Variants in HAT1 observed in about 807,000 individuals in gnomAD.
HAT1 encodes histone acetyltransferase 1, also known as histone acetyltransferase type B catalytic subunit.
Under a neutral mutation model 56.6 loss-of-function variants are expected in HAT1, and 20 were observed. The ratio of observed to expected loss-of-function variants is 0.35; its 90% CI spans 0.25 to 0.51. The LOEUF (loss-of-function observed/expected upper bound fraction) is 0.51, where lower values mean the gene tolerates loss of function less well. Ranked by LOEUF, HAT1 falls within the 20% of genes least tolerant of loss-of-function variation. HAT1 has a pLI of 0.95. For synonymous variants in HAT1, 146 were observed against 165.5 expected, an observed-to-expected ratio of 0.88 and a Z score of 0.91; for missense variants, 408 against 504.3, an observed-to-expected ratio of 0.81 and a Z score of 1.83.
intron 2 of HAT1, among the ~76,000 whole-genome samples, chr2:171,939,647 G>A (rs752436013): frequency 2.0e-5 from 3 of 152,176 alleles, no homozygotes; most frequent in Non-Finnish European, 2.9e-5. Flanking sequence ...GTGAACAGGT[G>A]TGAGGTAAGG....
At chr2:171,932,174 C>G (rs1452350051) in intron 2 of HAT1, among the ~76,000 whole-genome samples, 1 of 152,122 alleles carries the variant, frequency 6.6e-6, no homozygotes, top group Non-Finnish European at 1.5e-5. Flanking sequence ...CCTTTTTCTG[C>G]TTTGCTAGAT....
chr2:171,943,094 T>C (rs1358010163), intron 2 of HAT1, among the ~76,000 whole-genome samples: 1 of 151,522 alleles, frequency 6.6e-6, no homozygotes, highest in East Asian at 1.9e-4. Flanking sequence ...TTTTTAACTA[T>C]TACAGGCATA....
At chr2:171,943,073 G>T (rs189009300) in intron 2 of HAT1, among the ~76,000 whole-genome samples, 6 of 1,620 alleles carry the variant, frequency 3.7e-3, no homozygotes, top group Non-Finnish European at 0.014. Context: ...ACATATTTGA[G>T]TTTTTTTTTT....
chr2:171,929,210 CT>C (rs1686676228), intron 2 of HAT1, among the ~76,000 whole-genome samples: 1 of 151,990 alleles, frequency 6.6e-6, no homozygotes, highest in Non-Finnish European at 1.5e-5. Context: ...TGTCTTTTCC[CT>C]CATAACTAAT....
Position 171,978,952 on chromosome 2 carries a change from T to C in HAT1, c.976-295T>C, listed in dbSNP as rs1281171570. Among the ~76,000 whole-genome samples the C allele has an allele frequency of 2.1e-5, 3 of 145,392 alleles. No homozygotes were observed. The South Asian group carries it at 6.4e-4, about 31-fold the overall frequency. ...AAAAAAAAAAAAAAAAATAGCCGAG[T>C]GTGGTGCATATGCCTATGGTCCCAG... On this transcript the variant is annotated intron_variant, in intron 9 of 10. Coordinates refer to ENST00000264108, the MANE Select transcript of HAT1 (RefSeq NM_003642.4).
chr2:171,972,214 GTTTTT>G (rs11319894), intron 8 of HAT1, among the ~76,000 whole-genome samples: 3 of 141,530 alleles, frequency 2.1e-5, no homozygotes, highest in Non-Finnish European at 3.1e-5. Flanking sequence ...TTTTTCTTTT[GTTTTT>G]TTTTTTTGTT....
rs587686867 is a variant in HAT1, at chr2:171,953,626, T to TAAAAAAAAAAAAAAA, written c.309+640_309+654dup. On this transcript the variant is annotated intron_variant, in intron 4 of 10. Coordinates refer to ENST00000264108, the MANE Select transcript of HAT1 (RefSeq NM_003642.4). ...GGCAACAGAACAAGACCCTGTCTCT[T>TAAAAAAAAAAAAAAA]AAAAAAAAAAAAAAAAAAAAAAAAA... Among the ~76,000 whole-genome samples, 130 of 84,592 alleles carry TAAAAAAAAAAAAAAA rather than the reference T, an allele frequency of 1.5e-3. 12 individuals carry two copies. The highest frequency in any genetic ancestry group is 5.6e-3 in the African/African-American group (105 of 18,750). 55.5% of individuals were successfully genotyped at this position (84,592 alleles called of 152,430 possible). A position where few individuals can be genotyped will look rare whatever the true frequency, so the allele number is the denominator to read the frequency against.
chr2:171,926,040 A>G (rs1686581171), intron 2 of HAT1, among the ~76,000 whole-genome samples: 1 of 151,866 alleles, frequency 6.6e-6, no homozygotes, highest in Non-Finnish European at 1.5e-5. Context: ...CAGTTTGGCA[A>G]TTTTCTTTTC....
At position 171,942,445 on chromosome 2, in the gene HAT1, C is replaced by T. The variant is rs190070452; in HGVS notation, c.113-4263C>T. Among the ~76,000 whole-genome samples the T allele has an allele frequency of 3.7e-3, 568 of 152,112 alleles. 7 individuals are homozygous for T. Among genetic ancestry groups the T allele is most frequent in the African/African-American group, 0.012 (498 of 41,490 alleles). On this transcript the variant is annotated intron_variant, in intron 2 of 10. Transcript: ENST00000264108. ...TTCTATTGTTTCCCTTTTATAAAATCGAGGTTACCGTATCATGTTCTGTTC... is the reference window on the plus strand; with the variant it reads ...TTCTATTGTTTCCCTTTTATAAAATTGAGGTTACCGTATCATGTTCTGTTC...
intron 2 of HAT1, among the ~76,000 whole-genome samples, chr2:171,934,526 C>T (rs557066165): frequency 7.2e-5 from 11 of 152,218 alleles, no homozygotes; most frequent in African/African-American, 2.6e-4. Context: ...AGATAGTAAG[C>T]AAGGTCATCT....
At chr2:171,966,593 G>A (rs1248211526) in intron 7 of HAT1, 80 bp downstream of exon 7, 1 of 753,978 alleles carries the variant, frequency 1.3e-6, no homozygotes, top group East Asian at 2.5e-5. Context: ...TGTTATAATA[G>A]TGTTGATTTG....
intron 2 of HAT1, among the ~76,000 whole-genome samples, chr2:171,939,766 G>A (rs1180602347): frequency 6.6e-6 from 1 of 151,720 alleles, no homozygotes; most frequent in African/African-American, 2.4e-5. Flanking sequence ...ATAGTGCGTA[G>A]ACTCACATTT....
chr2:171,948,230 G>A (rs1687219575), intron 3 of HAT1, among the ~76,000 whole-genome samples: 3 of 152,022 alleles, frequency 2.0e-5, no homozygotes, highest in South Asian at 4.1e-4. Context: ...AAAAATTCAG[G>A]AAATTTAACA....
chr2:171,931,438 C>G (rs145801614), intron 2 of HAT1, among the ~76,000 whole-genome samples: 2,804 of 152,072 alleles, frequency 0.018, 53 homozygotes, highest in Non-Finnish European at 0.024. Context: ...GCCTGTAATA[C>G]CAGCACTTTG....
At chr2:171,948,256 G>A (rs543083000) in intron 3 of HAT1, among the ~76,000 whole-genome samples, 6 of 152,102 alleles carry the variant, frequency 3.9e-5, no homozygotes, top group South Asian at 2.1e-4. Context: ...ACAGAGTCTC[G>A]CGTTGTTGCC....
At chr2:171,979,144 A>G in intron 9 of HAT1, 103 bp from the exon 10 acceptor site, 2 of 675,556 alleles carry the variant, frequency 3.0e-6, no homozygotes, top group Non-Finnish European at 5.3e-6. Context: ...TTCTAGCACA[A>G]TTCCTTGCTC....
rs1574071509 is a variant in HAT1 at position 171,979,658 on chromosome 2, A to G, written c.1092+295A>G. Reference sequence around the variant, plus strand: ...CCCTGTCTCTACTAAAAATACAAACATTAGCTAGGCTTGGTGGTGGGCGCC... The same window carrying G: ...CCCTGTCTCTACTAAAAATACAAACGTTAGCTAGGCTTGGTGGTGGGCGCC... On this transcript the variant is annotated intron_variant, in intron 10 of 10. Coordinates refer to ENST00000264108, the MANE Select transcript of HAT1 (RefSeq NM_003642.4). 2.3e-5 allele frequency: 5 copies of G among 219,874 alleles called. 1 individual carries two copies. The South Asian group carries it at 3.3e-4, about 15-fold the overall frequency. 13.6% of individuals were successfully genotyped at this position (219,874 alleles called of 1,614,324 possible). A position where few individuals can be genotyped will look rare whatever the true frequency, so the allele number is the denominator to read the frequency against.
At chr2:171,975,417 T>G (rs577356995) in intron 8 of HAT1, among the ~76,000 whole-genome samples, 6 of 152,272 alleles carry the variant, frequency 3.9e-5, no homozygotes, top group Non-Finnish European at 7.4e-5. Flanking sequence ...TTTCCTCTAT[T>G]TTCTAGAATA....
intron 2 of HAT1, among the ~76,000 whole-genome samples, chr2:171,929,014 C>T (rs1331046685): frequency 6.6e-6 from 1 of 152,018 alleles, no homozygotes; most frequent in African/African-American, 2.4e-5. Context: ...GGATACTTGG[C>T]CAGACTGACT....
Sources: allele counts gnomAD v4.1 joint callset (sites outside exome capture counted in the v4.1 genomes callset), GRCh38; gene constraint gnomAD v4.1.1; transcripts MANE v1.5; gene names NCBI Gene and HGNC (gene_info 2026-07-23, HGNC 2026-07-21).